The following TFEB variants were observed in gnomAD, a reference collection of about 807,000 sequenced individuals.
TFEB encodes the protein T-cell transcription factor EB.
TFEB carries 12 observed loss-of-function variants against 48.0 expected under a neutral mutation model. That is an observed-to-expected ratio of 0.25 (90% confidence interval 0.16 to 0.40). TFEB has a LOEUF of 0.40. Among genes scored for constraint, TFEB ranks in the 10% least tolerant of loss-of-function variants. The pLI, the probability that TFEB is intolerant of heterozygous loss-of-function variation, is 1.00. For synonymous variants in TFEB, 244 were observed against 261.4 expected (o/e 0.93, Z 0.64); for missense variants, 509 against 640.3 (o/e 0.79, Z 2.21).
At chr6:41,687,392 CCA>C (rs1769067217) in intron 6 of TFEB, among the ~76,000 whole-genome samples, 1 of 152,214 alleles carries the variant, frequency 6.6e-6, no homozygotes, top group Admixed American at 6.5e-5. Context: ...GTAGAATCAG[CCA>C]TGGTGATGCT....
rs369743790 is a variant in TFEB, at chr6:41,689,784, G to C, written c.496C>G (p.Arg166Gly). The change falls in exon 4 of 9, where the codon CGT (arginine) becomes GGT (glycine). Residue 166 changes from arginine to glycine, a missense_variant. Transcript: ENST00000373033. ...ELDDVIDNIM[R>G]LDDVLGYINP... is the part of the protein sequence containing the mutation. The stretch of plus-strand genomic sequence containing the variant: ...ATGTAGCCAAGGACATCGTCCAGAC[G>C]CATAATGTTGTCAATGACATCATCC... 1.9e-6 allele frequency: 3 copies of C among 1,613,866 alleles called. No homozygotes were observed. The highest frequency in any genetic ancestry group is 2.7e-5 in the African/African-American group (2 of 74,894).
At chr6:41,704,596 G>A (rs1221270707) in intron 1 of TFEB, among the ~76,000 whole-genome samples, 1 of 152,238 alleles carries the variant, frequency 6.6e-6, no homozygotes, top group African/African-American at 2.4e-5. Flanking sequence ...AGGCTCTCAG[G>A]CCCTGCCCAG....
At chr6:41,689,959 A>G (rs758263066) in intron 3 of TFEB, 148 bp from the exon 4 acceptor site, 29 of 622,618 alleles carry the variant, frequency 4.7e-5, no homozygotes, top group Non-Finnish European at 7.7e-5. Context: ...GGCCCAGAGA[A>G]GAGATGAGCT....
At chr6:41,722,683 A>G (rs947560069) in intron 1 of TFEB, among the ~76,000 whole-genome samples, 1 of 152,228 alleles carries the variant, frequency 6.6e-6, no homozygotes, top group African/African-American at 2.4e-5. Flanking sequence ...CTGACATGGA[A>G]TAAGGCCAGG....
intron 8 of TFEB, 70 bp from the exon 9 acceptor site, chr6:41,685,148 G>A: frequency 7.3e-7 from 1 of 1,379,232 alleles, no homozygotes. Flanking sequence ...CCTCCCCTGG[G>A]CCTCTATCAC....
chr6:41,686,362 G>A (rs1476197519), intron 7 of TFEB, 125 bp from the exon 8 acceptor site: 2 of 1,295,686 alleles, frequency 1.5e-6, no homozygotes, highest in South Asian at 1.4e-5. Context: ...CAGACCTGGA[G>A]GTGGAGGTGG....
At position 41,684,148 on chromosome 6, in the gene TFEB, G is replaced by T. The variant is rs759406004; in HGVS notation, c.*451C>A. 8.5e-5 allele frequency: 20 copies of T among 234,022 alleles called. No homozygotes were observed. The highest frequency in any genetic ancestry group is 1.3e-4 in the Non-Finnish European group (16 of 118,556). The allele number at this position is 234,022 out of a possible 1,614,324, so 14.5% of individuals were successfully genotyped here. ...CTGTGGGAGAGCCGAGGACCAGGCT[G>T]CGGGGTGGACCTCCTGCCATCTGAG... On this transcript the variant is annotated 3_prime_UTR_variant, in exon 9 of 9. Transcript: ENST00000373033.
At chr6:41,690,225 G>A (rs1275638882) in intron 3 of TFEB, among the ~76,000 whole-genome samples, 3 of 151,590 alleles carry the variant, frequency 2.0e-5, no homozygotes, top group Non-Finnish European at 2.9e-5. Context: ...CCGCCTTCCC[G>A]ATTCAAGTGA....
At chr6:41,716,365 G>A (rs1250561212) in intron 1 of TFEB, among the ~76,000 whole-genome samples, 2 of 152,162 alleles carry the variant, frequency 1.3e-5, no homozygotes, top group Admixed American at 1.3e-4. Context: ...CTCCTCTGAG[G>A]CCTCTCTGCA....
At chr6:41,690,076 T>C (rs745386171) in intron 3 of TFEB, among the ~76,000 whole-genome samples, 3 of 152,166 alleles carry the variant, frequency 2.0e-5, no homozygotes, top group Non-Finnish European at 4.4e-5. Context: ...GGGAGTGTGC[T>C]GGGCTTTCCT....
At chr6:41,685,457 T>C (rs867029657) in intron 8 of TFEB, among the ~76,000 whole-genome samples, 17 of 152,358 alleles carry the variant, frequency 1.1e-4, no homozygotes, top group African/African-American at 3.4e-4. Context: ...TAGATTTTAA[T>C]GTAAATTGTG....
chr6:41,685,172 G>A, intron 8 of TFEB, 94 bp from the exon 9 acceptor site: 1 of 1,339,996 alleles, frequency 7.5e-7, no homozygotes, highest in Non-Finnish European at 9.6e-7. Context: ...ACTTGCCCCT[G>A]CCCTACGGCA....
chr6:41,712,183 A>G (rs1770511231), intron 1 of TFEB, among the ~76,000 whole-genome samples: 2 of 152,172 alleles, frequency 1.3e-5, no homozygotes, highest in Non-Finnish European at 2.9e-5. Flanking sequence ...CACCAGCACC[A>G]TCCTTGAAAA....
rs779478102 is a variant in TFEB at position 41,685,032 on chromosome 6, G to A, written c.998C>T (p.Pro333Leu). The A allele has an allele frequency of 6.1e-5, 91 of 1,492,464 alleles. No homozygotes were observed. Among genetic ancestry groups the A allele is most frequent in the South Asian group, 3.3e-4 (24 of 72,458 alleles). 92.5% of individuals were successfully genotyped at this position (1,492,464 alleles called of 1,614,324 possible). ...ARVHGLPTTS[P>L]SGMNMAELAQ... ...CAGCTCAGCCATGTTCATGCCGGAC[G>A]GGGAGGTGGTAGGGAGGCCGTGCAC... Residue 333 changes from proline to leucine, a missense_variant, in exon 9 of 9, where the codon CCG (proline) becomes CTG (leucine). Pro to Leu is a moderately conservative substitution (Grantham distance 98, BLOSUM62 -3). This residue lies in a region of TFEB where 62 missense variants were observed against 90.2 expected (regional missense o/e 0.69). Coordinates refer to ENST00000373033, the MANE Select transcript of TFEB (RefSeq NM_001271944.2).
At chr6:41,689,874 T>C (rs1001144725) in intron 3 of TFEB, 63 bp from the exon 4 acceptor site, 2 of 1,372,180 alleles carry the variant, frequency 1.5e-6, no homozygotes, top group Middle Eastern at 1.8e-4. Flanking sequence ...GAAAGAGGCA[T>C]TGGGACAACC....
At chr6:41,726,598 A>G (rs1449207377) in intron 1 of TFEB, among the ~76,000 whole-genome samples, 3 of 151,926 alleles carry the variant, frequency 2.0e-5, no homozygotes, top group Non-Finnish European at 4.4e-5. Flanking sequence ...GTGCCACAAC[A>G]CCTGGATAAT....
In TFEB at chr6:41,730,226, C is replaced by T. The variant is rs1771395533; in HGVS notation, c.-23+5124G>A. On this transcript the variant is annotated intron_variant, in intron 1 of 8. Transcript: ENST00000373033. The surrounding 1 kb of genome is among the most constrained non-coding windows in gnomAD (Gnocchi z 4.1). ...CAGGTGATCATAATACCCAGCCAGG[C>T]TGCAGTAAGATGGAACAGTGCCCCG... 6.6e-6 allele frequency among the ~76,000 whole-genome samples: 1 copy of T among 152,172 alleles called. No individual in the cohort carries two copies. Among genetic ancestry groups the T allele is most frequent in the East Asian group, 1.9e-4 (1 of 5,198 alleles).
rs6935270 is a variant in TFEB at position 41,731,813 on chromosome 6, C to G, written c.-23+3537G>C. Among the ~76,000 whole-genome samples the G allele has an allele frequency of 5.0e-3, 762 of 152,352 alleles. 5 individuals are homozygous for G. The highest frequency in any genetic ancestry group is 0.018 in the African/African-American group (728 of 41,580). On this transcript the variant is annotated intron_variant, in intron 1 of 8. Transcript: ENST00000373033. ...GAATGCATGGCACAAAGCCGGGCAC[C>G]TAGAAGGCCATCAGTAAGGATGCCT...
intron 1 of TFEB, among the ~76,000 whole-genome samples, chr6:41,719,973 A>G (rs1385086628): frequency 1.3e-5 from 2 of 152,186 alleles, no homozygotes; most frequent in Non-Finnish European, 1.5e-5. Context: ...TGTTGTATAA[A>G]GTTTGCAAAT....
Sources: gnomAD v4.1 joint callset for allele counts (sites outside exome capture counted in the v4.1 genomes callset) on GRCh38, gnomAD v4.1.1 for gene constraint, gnomAD v4.1.1 regional missense constraint, Gnocchi (gnomAD v3.1) non-coding constraint, MANE v1.5 for transcripts, NCBI Gene and HGNC (gene_info 2026-07-23, HGNC 2026-07-21) for gene names.